PLA2R1: variants seen among roughly 807,000 people sequenced by gnomAD.
PLA2R1 encodes the protein secretory phospholipase A2 receptor.
PLA2R1 carries 158 observed loss-of-function variants against 195.9 expected under a neutral mutation model. The observed-to-expected ratio is 0.81, with a 90% CI of 0.71 to 0.92. PLA2R1 has a LOEUF of 0.92. PLA2R1 is among the 40% of genes least tolerant of loss of function. The pLI is 0.00. For synonymous variants in PLA2R1, 586 were observed against 598.2 expected (o/e 0.98, Z 0.30); for missense variants, 1,626 against 1,764.6 (o/e 0.92, Z 1.41).
At chr2:159,957,061 A>G (rs1688139594) in intron 20 of PLA2R1, among the ~76,000 whole-genome samples, 1 of 152,124 alleles carries the variant, frequency 6.6e-6, no homozygotes, top group Non-Finnish European at 1.5e-5. Context: ...ACTTTAAGTG[A>G]GAGAGAAATA....
chr2:160,013,334 T>G lies in PLA2R1; in HGVS notation c.1593A>C (p.Thr531=), dbSNP rs1692492222. The stretch of plus-strand genomic sequence containing the variant: ...AAGCTTGGTCAAAGCTTCGAAGGAC[T>G]GTGTCAATTTTGTAACAGAATCCAC... ...RHGGFCYKID[T]VLRSFDQASS... is the part of the protein sequence containing the mutation. Residue 531 remains threonine (T), a synonymous_variant, in exon 10 of 30, where the codon ACA becomes ACC. Transcript: ENST00000283243. 2.1e-5 allele frequency: 34 copies of G among 1,610,930 alleles called. No individual in the cohort carries two copies. The highest frequency in any genetic ancestry group is 2.9e-5 in the Non-Finnish European group (34 of 1,177,312).
Position 160,062,425 on chromosome 2 carries a change from G to C in PLA2R1, c.-22C>G. The C allele has an allele frequency of 5.9e-6, 9 of 1,529,302 alleles. No homozygotes were observed. Among genetic ancestry groups the C allele is most frequent in the Non-Finnish European group, 7.0e-6 (8 of 1,138,394 alleles). The allele number at this position is 1,529,302 out of a possible 1,614,324, so 94.7% of individuals were successfully genotyped here. A position where few individuals can be genotyped will look rare whatever the true frequency, so the allele number is the denominator to read the frequency against. On this transcript the variant is annotated 5_prime_UTR_variant, in exon 1 of 30. Coordinates refer to ENST00000283243, the MANE Select transcript of PLA2R1 (RefSeq NM_007366.5). ...GCATCGCTAACCACTGGGCTCTCCGGGAGCCCCTTGTCCCGGGAGCCCCTT... is the reference window on the plus strand; with the variant it reads ...GCATCGCTAACCACTGGGCTCTCCGCGAGCCCCTTGTCCCGGGAGCCCCTT...
intron 26 of PLA2R1, 88 bp downstream of exon 26, chr2:159,947,331 A>G: frequency 8.7e-7 from 1 of 1,143,076 alleles, no homozygotes; most frequent in South Asian, 1.5e-5. Context: ...GTCACTAAAT[A>G]ATGGGATGAA....
intron 17 of PLA2R1, among the ~76,000 whole-genome samples, chr2:159,971,062 T>G (rs1311245160): frequency 6.6e-6 from 1 of 152,086 alleles, no homozygotes; most frequent in African/African-American, 2.4e-5. Context: ...GTAACAAACC[T>G]GCATGTTCTG....
rs2125913089 is a variant in PLA2R1 at position 159,940,796 on chromosome 2, A to G, written c.*982T>C. 1 of 152,330 alleles carries G rather than the reference A, an allele frequency of 6.6e-6. No homozygotes were observed. The highest frequency in any genetic ancestry group is 2.1e-4 in the South Asian group (1 of 4,826). 9.4% of individuals were successfully genotyped at this position (152,330 alleles called of 1,614,324 possible). A position where few individuals can be genotyped will look rare whatever the true frequency, so the allele number is the denominator to read the frequency against. On this transcript the variant is annotated 3_prime_UTR_variant, in exon 30 of 30. Coordinates refer to ENST00000283243, the MANE Select transcript of PLA2R1 (RefSeq NM_007366.5). Reference sequence around the variant, plus strand: ...GAACACCTAAACTCATTTACATAATAAAGATATCTAGATTACTAATTTATT... The same window carrying G: ...GAACACCTAAACTCATTTACATAATGAAGATATCTAGATTACTAATTTATT...
downstream of PLA2R1, among the ~76,000 whole-genome samples, chr2:159,930,249 A>G (rs1237822969): frequency 3.9e-5 from 6 of 152,180 alleles, no homozygotes; most frequent in African/African-American, 1.2e-4. Flanking sequence ...TCTACTAAAA[A>G]TACAAAAAAT....
intron 9 of PLA2R1, 107 bp from the exon 10 acceptor site, chr2:160,013,482 C>T (rs1573894130): frequency 1.9e-6 from 1 of 535,072 alleles, no homozygotes; most frequent in East Asian, 3.1e-5. Context: ...TTCTCTTACT[C>T]CTTTAAAACT....
chr2:159,977,741 T>A (rs569406150), intron 14 of PLA2R1, among the ~76,000 whole-genome samples: 307 of 152,070 alleles, frequency 2.0e-3, no homozygotes, highest in African/African-American at 6.9e-3. Flanking sequence ...ATTGAGACCA[T>A]CCTGGCTAAC....
intron 11 of PLA2R1, among the ~76,000 whole-genome samples, chr2:159,992,222 T>C (rs1159972746): frequency 1.3e-5 from 2 of 151,990 alleles, no homozygotes; most frequent in Admixed American, 1.3e-4. Flanking sequence ...CCAGTGATGA[T>C]GAGCATTTTT....
downstream of PLA2R1, among the ~76,000 whole-genome samples, chr2:159,927,889 T>C (rs895272584): frequency 6.6e-6 from 1 of 152,230 alleles, no homozygotes; most frequent in Non-Finnish European, 1.5e-5. Flanking sequence ...ATTAGCCATG[T>C]ATTACTGGTG....
rs1058435 is a variant in PLA2R1, at chr2:159,956,571, A to G, written c.2961T>C (p.Ala987=). ...CCCCTTCTTCAGCACAGAAATGTTG[A>G]GCATGCGTCCAGTTCTTCCAACTGC... ...DPSSWKNWTH[A]QHFCAEEGGT... Residue 987 remains alanine, a synonymous_variant, in exon 21 of 30, where the codon GCT becomes GCC. Transcript: ENST00000283243. The G allele has an allele frequency of 6.2e-7, 1 of 1,613,898 alleles. No homozygotes were observed. The highest frequency in any genetic ancestry group is 8.5e-7 in the Non-Finnish European group (1 of 1,179,790).
In PLA2R1 at chr2:159,932,762, A is replaced by G. The variant is rs1686639877; in HGVS notation, c.*9016T>C. 1 of 152,212 alleles carries G rather than the reference A, an allele frequency of 6.6e-6. No homozygotes were observed. Among genetic ancestry groups the G allele is most frequent in the East Asian group, 1.9e-4 (1 of 5,202 alleles). The allele number at this position is 152,212 out of a possible 1,614,324, so 9.4% of individuals were successfully genotyped here. ...AAGACAATAATAAAACCACAGTTTCAGTGCTAGGGAGGGCAAGGAGAAAAC... is the reference window on the plus strand; with the variant it reads ...AAGACAATAATAAAACCACAGTTTCGGTGCTAGGGAGGGCAAGGAGAAAAC... On this transcript the variant is annotated 3_prime_UTR_variant, in exon 30 of 30. Transcript: ENST00000283243.
chr2:160,023,053 A>G (rs1693246288), intron 6 of PLA2R1, among the ~76,000 whole-genome samples, 194 bp from the exon 7 acceptor site: 2 of 152,214 alleles, frequency 1.3e-5, no homozygotes, highest in Non-Finnish European at 1.5e-5. Context: ...ATTTAGATCT[A>G]GGATCAAATG....
chr2:159,994,694 G>A (rs1691084220), intron 11 of PLA2R1, among the ~76,000 whole-genome samples: 1 of 152,004 alleles, frequency 6.6e-6, no homozygotes, highest in Non-Finnish European at 1.5e-5. Flanking sequence ...GTCATGAAAT[G>A]ATAATTGCTG....
Position 159,949,578 on chromosome 2 carries a change from T to C in PLA2R1, c.3709+30A>G. ...TTGCATACAGTAGTTAAATAAGGTA[T>C]ATTTTTGAGTTGAATAGAATTGAAC... On this transcript the variant is annotated intron_variant, in intron 25 of 29. Coordinates refer to ENST00000283243, the MANE Select transcript of PLA2R1 (RefSeq NM_007366.5). 2.6e-6 allele frequency: 4 copies of C among 1,549,816 alleles called. No homozygotes were observed. The African/African-American group carries it at 4.1e-5, about 16-fold the overall frequency.
chr2:159,996,201 G>T (rs1397709), intron 11 of PLA2R1, among the ~76,000 whole-genome samples: 129,588 of 152,014 alleles, frequency 0.85, 55,424 homozygotes, highest in African/African-American at 0.91. Flanking sequence ...TGAATATTTC[G>T]TGCAAGGTAG....
downstream of PLA2R1, among the ~76,000 whole-genome samples, chr2:159,927,053 C>G (rs1009783441): frequency 2.0e-5 from 3 of 152,116 alleles, no homozygotes; most frequent in Non-Finnish European, 4.4e-5. Flanking sequence ...GGCAAGGACA[C>G]CAAGGGACAT....
intron 9 of PLA2R1, among the ~76,000 whole-genome samples, chr2:160,016,263 C>CAAAA (rs11396932): frequency 2.3e-4 from 24 of 103,116 alleles, no homozygotes; most frequent in African/African-American, 6.9e-4. Context: ...GACTCTGTCT[C>CAAAA]AAAAAAAAAA....
intron 10 of PLA2R1, among the ~76,000 whole-genome samples, chr2:160,009,136 A>G (rs1166299364): frequency 6.6e-6 from 1 of 152,258 alleles, no homozygotes; most frequent in Non-Finnish European, 1.5e-5. Context: ...CCATTATGGA[A>G]AAGAGTACAG....
Sources: gnomAD v4.1 joint callset for allele counts (sites outside exome capture counted in the v4.1 genomes callset) on GRCh38, gnomAD v4.1.1 for gene constraint, MANE v1.5 for transcripts, NCBI Gene and HGNC (gene_info 2026-07-23, HGNC 2026-07-21) for gene names.